The following BNIP1 variants were observed in gnomAD, a reference collection of about 807,000 sequenced individuals.
BNIP1 encodes the protein vesicle transport protein SEC20.
In BNIP1, 25 loss-of-function variants were observed where a neutral mutation model predicts 28.5. The observed-to-expected ratio is 0.88, with a 90% CI of 0.64 to 1.23. The LOEUF is 1.23. Ranked by LOEUF, BNIP1 falls within the 50% of genes most tolerant of loss-of-function variation. The pLI is 0.00. For missense variants in BNIP1, 276 were observed against 277.0 expected, an observed-to-expected ratio of 1.00 and a Z score of 0.02; for synonymous variants, 118 against 101.7, an observed-to-expected ratio of 1.16 and a Z score of -0.96.
chr5:173,157,437 G>A (rs1038699207), intron 3 of BNIP1, among the ~76,000 whole-genome samples: 12 of 150,690 alleles, frequency 8.0e-5, no homozygotes, highest in African/African-American at 1.2e-4. Context: ...TTTTTGAGAC[G>A]GAGTCTTACT....
intron 2 of BNIP1, among the ~76,000 whole-genome samples, chr5:173,153,750 G>A (rs1760096543): frequency 6.6e-6 from 1 of 152,076 alleles, no homozygotes; most frequent in Non-Finnish European, 1.5e-5. Flanking sequence ...CCATTTTCCT[G>A]TGTCTGTAAC....
intron 2 of BNIP1, chr5:173,151,689 T>G: frequency 6.2e-7 from 1 of 1,613,888 alleles, no homozygotes; most frequent in Non-Finnish European, 8.5e-7. Flanking sequence ...ACCTGTTACC[T>G]TCAGTGTGAG....
intron 4 of BNIP1, among the ~76,000 whole-genome samples, chr5:173,159,465 A>G (rs189897187): frequency 5.8e-4 from 81 of 138,890 alleles, no homozygotes; most frequent in African/African-American, 2.0e-3. Context: ...TTTCAGCACA[A>G]AAGTTGTTCA....
At position 173,164,149 on chromosome 5, in the gene BNIP1, G is replaced by A. The variant is rs750809827; in HGVS notation, c.*228G>A. 7.4e-5 allele frequency: 30 copies of A among 403,500 alleles called. No individual in the cohort carries two copies. The highest frequency in any genetic ancestry group is 1.2e-4 in the Non-Finnish European group (28 of 228,960). The allele number at this position is 403,500 out of a possible 1,614,324, so 25.0% of individuals were successfully genotyped here. On this transcript the variant is annotated 3_prime_UTR_variant, in exon 6 of 6. Coordinates refer to ENST00000351486, the MANE Select transcript of BNIP1 (RefSeq NM_001205.3). The surrounding 1 kb of genome is among the most constrained non-coding windows in gnomAD (Gnocchi z 4.0). ...TTGGGATGCCGCCCTGGGGACATAC[G>A]AACCGCCTCCTTCCACCATTGTGCA...
At position 173,149,265 on chromosome 5, in the gene BNIP1, A is replaced by G. The variant is rs138527441; in HGVS notation, c.177+2307A>G. On this transcript the variant is annotated intron_variant, in intron 2 of 5. Coordinates refer to ENST00000351486, the MANE Select transcript of BNIP1 (RefSeq NM_001205.3). Reference sequence around the variant, plus strand: ...AAAAGAAGTTTAATGGACTTCTGACATGGCTGGGGAGGCCTCACAATCATG... The same window carrying G: ...AAAAGAAGTTTAATGGACTTCTGACGTGGCTGGGGAGGCCTCACAATCATG... 5.3e-5 allele frequency among the ~76,000 whole-genome samples: 8 copies of G among 152,356 alleles called. No homozygotes were observed. In the East Asian group the frequency reaches 1.2e-3, roughly 22 times the overall value.
At chr5:173,150,331 G>A (rs1043999440) in intron 2 of BNIP1, among the ~76,000 whole-genome samples, 2 of 151,390 alleles carry the variant, frequency 1.3e-5, no homozygotes, top group Middle Eastern at 3.2e-3. Context: ...CTCTGTTGTT[G>A]CTTAACAGAG....
chr5:173,158,981 A>G, intron 4 of BNIP1, 136 bp downstream of exon 4: 4 of 594,250 alleles, frequency 6.7e-6, no homozygotes, highest in Non-Finnish European at 1.2e-5. Flanking sequence ...AAAAAAATGC[A>G]TACTTATTTG....
chr5:173,158,873 C>A, intron 4 of BNIP1, 28 bp downstream of exon 4: 3 of 1,568,572 alleles, frequency 1.9e-6, no homozygotes, highest in Non-Finnish European at 2.6e-6. Context: ...TTTCTGGGCT[C>A]CGATAATAAT....
At chr5:173,159,414 A>C (rs1212547645) in intron 4 of BNIP1, among the ~76,000 whole-genome samples, 1 of 152,028 alleles carries the variant, frequency 6.6e-6, no homozygotes, top group Non-Finnish European at 1.5e-5. Context: ...ATTTCTTACA[A>C]AGTCAAAATT....
rs780904161 is a variant in BNIP1, at chr5:173,154,376, C to T, written c.232C>T (p.Leu78Phe). 6.2e-7 allele frequency: 1 copy of T among 1,614,022 alleles called. No homozygotes were observed. Among genetic ancestry groups the T allele is most frequent in the East Asian group, 2.2e-5 (1 of 44,882 alleles). Residue 78 changes from leucine (L) to phenylalanine (F), a missense_variant, in exon 3 of 6, where the codon CTC (leucine) becomes TTC (phenylalanine). Leu to Phe is a conservative substitution (Grantham distance 22). Coordinates refer to ENST00000351486, the MANE Select transcript of BNIP1 (RefSeq NM_001205.3). ...CAAAGAATCAGAGAAACAACTTCTA[C>T]TCCAGGAAGTGGAGAATCACAAAAA... ...QDKESEKQLLLQEVENHKKQM... is the reference protein window; with the variant it reads ...QDKESEKQLLFQEVENHKKQM...
chr5:173,157,549 G>T (rs937745650), intron 3 of BNIP1, among the ~76,000 whole-genome samples: 2 of 152,030 alleles, frequency 1.3e-5, no homozygotes, highest in African/African-American at 4.8e-5. Context: ...CGAGTAGCTG[G>T]GATTACAGGC....
chr5:173,156,591 G>A (rs1305836118), intron 3 of BNIP1, among the ~76,000 whole-genome samples: 2 of 123,274 alleles, frequency 1.6e-5, no homozygotes, highest in African/African-American at 6.1e-5. Context: ...GCAGTGAGCC[G>A]TGATCATGTG....
rs1401107074 is a variant in BNIP1, at chr5:173,148,113, T to A, written c.177+1155T>A. ...ATATATATATATATATATATATATA[T>A]ATATATATATATATATATATATATT... On this transcript the variant is annotated intron_variant, in intron 2 of 5. Transcript: ENST00000351486. Among the ~76,000 whole-genome samples, 113 of 80,174 alleles carry A rather than the reference T, an allele frequency of 1.4e-3. 6 individuals carry two copies. The highest frequency in any genetic ancestry group is 4.0e-3 in the African/African-American group (84 of 21,020). The allele number at this position is 80,174 out of a possible 152,430, so 52.6% of individuals were successfully genotyped here.
chr5:173,161,951 G>A (rs1161066490), intron 5 of BNIP1: 4 of 152,210 alleles, frequency 2.6e-5, no homozygotes, highest in South Asian at 4.1e-4. Flanking sequence ...GAAAGCAGGC[G>A]GAGAGGGATT....
At chr5:173,157,817 T>C (rs1305170892) in intron 3 of BNIP1, among the ~76,000 whole-genome samples, 1 of 152,126 alleles carries the variant, frequency 6.6e-6, no homozygotes, top group Admixed American at 6.6e-5. Context: ...CAGTCAGGGC[T>C]CTGCTAATCC....
Position 173,163,920 on chromosome 5 carries a change from G to A in BNIP1, c.686G>A (p.Ter229=). 6.2e-7 allele frequency: 1 copy of A among 1,600,940 alleles called. No homozygotes were observed. The highest frequency in any genetic ancestry group is 1.1e-5 in the South Asian group (1 of 88,876). Residue 229 remains the stop codon, a stop_retained_variant, in exon 6 of 6, where the codon TGA becomes TAA. Coordinates refer to ENST00000351486, the MANE Select transcript of BNIP1 (RefSeq NM_001205.3). ...IVKKRLFPFL[*] ...AAAAAGCGGCTCTTTCCATTTTTGT[G>A]AGATCCCAAAGGTGCCAGTTCTGGC...
At chr5:173,150,765 T>A (rs921233207) in intron 2 of BNIP1, among the ~76,000 whole-genome samples, 25 of 152,222 alleles carry the variant, frequency 1.6e-4, no homozygotes, top group Admixed American at 9.8e-4. Context: ...TTCTTTTTTT[T>A]TAAAATTTCT....
Position 173,163,779 on chromosome 5 carries a change from G to A in BNIP1, c.545G>A (p.Gly182Asp). 2 of 1,613,050 alleles carry A rather than the reference G, an allele frequency of 1.2e-6. No homozygotes were observed. The highest frequency in any genetic ancestry group is 8.5e-7 in the Non-Finnish European group (1 of 1,179,588). ...AATGAAGAATTTAAGTCCATGTCGG[G>A]CACCATCCAGCTGGGCCGGAAGCTT... Reference protein sequence around the residue: ...DANEEFKSMSGTIQLGRKLIT... With the variant: ...DANEEFKSMSDTIQLGRKLIT... Residue 182 changes from glycine (G) to aspartate (D), a missense_variant, in exon 6 of 6, where the codon GGC becomes GAC. Coordinates refer to ENST00000351486, the MANE Select transcript of BNIP1 (RefSeq NM_001205.3).
At chr5:173,150,310 C>T (rs1759979947) in intron 2 of BNIP1, among the ~76,000 whole-genome samples, 1 of 151,202 alleles carries the variant, frequency 6.6e-6, no homozygotes, top group South Asian at 2.1e-4. Flanking sequence ...GCCCCCAAAG[C>T]CCACCAGCAA....
Sources: allele counts gnomAD v4.1 joint callset (sites outside exome capture counted in the v4.1 genomes callset), GRCh38; gene constraint gnomAD v4.1.1; non-coding constraint Gnocchi (gnomAD v3.1); transcripts MANE v1.5; gene names NCBI Gene and HGNC (gene_info 2026-07-23, HGNC 2026-07-21).